The following PPP1R12B variants were observed in gnomAD, a reference collection of about 807,000 sequenced individuals.
PPP1R12B encodes the protein myosin phosphatase target subunit 2.
A neutral mutation model predicts 126.1 loss-of-function variants in PPP1R12B; 76 were observed. The ratio of observed to expected loss-of-function variants is 0.60; its 90% CI spans 0.50 to 0.73. The LOEUF is 0.73. Ranked by LOEUF, PPP1R12B falls within the 30% of genes least tolerant of loss-of-function variation. The probability of loss-of-function intolerance (pLI) is 0.00; values close to 1 mark genes in which losing one functional copy is unlikely to be tolerated. For synonymous variants in PPP1R12B, 356 were observed against 434.7 expected, an observed-to-expected ratio of 0.82 and a Z score of 2.25; for missense variants, 1,052 against 1,205.1, an observed-to-expected ratio of 0.87 and a Z score of 1.88.
At chr1:202,548,808 C>CTA (rs370219273) in intron 18 of PPP1R12B, among the ~76,000 whole-genome samples, 857 of 72,918 alleles carry the variant, frequency 0.012, 11 homozygotes, top group Non-Finnish European at 0.013. Context: ...CTCTCTCTCT[C>CTA]TATATATATA....
At chr1:202,350,966 T>C (rs747279203) in intron 1 of PPP1R12B, among the ~76,000 whole-genome samples, 3 of 151,332 alleles carry the variant, frequency 2.0e-5, no homozygotes, top group Non-Finnish European at 4.4e-5. Flanking sequence ...CAGCTATGGA[T>C]TTTTTTTTAA....
intron 1 of PPP1R12B, among the ~76,000 whole-genome samples, chr1:202,369,307 C>G (rs1370909154): frequency 6.6e-6 from 1 of 152,190 alleles, no homozygotes; most frequent in African/African-American, 2.4e-5. Flanking sequence ...TAAGTCCAAT[C>G]ATAGTTTTAG....
rs1393730431 is a variant in PPP1R12B, at chr1:202,508,616, A to G, written c.2490+11794A>G. Reference sequence around the variant, plus strand: ...AAAACATTGTATACTTTAAGATGGCATTTTAGGAGTTGGAGGACTTTCAAA... The same window carrying G: ...AAAACATTGTATACTTTAAGATGGCGTTTTAGGAGTTGGAGGACTTTCAAA... On this transcript the variant is annotated intron_variant, in intron 18 of 23. Transcript: ENST00000608999. The surrounding 1 kb of genome is among the most constrained non-coding windows in gnomAD (Gnocchi z 4.5). Among the ~76,000 whole-genome samples the G allele has an allele frequency of 5.3e-5, 8 of 152,230 alleles. No homozygotes were observed. Among genetic ancestry groups the G allele is most frequent in the African/African-American group, 1.9e-4 (8 of 41,460 alleles).
chr1:202,403,342 A>T (rs1322523507), intron 1 of PPP1R12B, among the ~76,000 whole-genome samples: 1 of 152,262 alleles, frequency 6.6e-6, no homozygotes, highest in Non-Finnish European at 1.5e-5. Flanking sequence ...TATGGGCCAA[A>T]CAGTATATTT....
intron 18 of PPP1R12B, among the ~76,000 whole-genome samples, chr1:202,533,197 C>G (rs1684151602): frequency 6.6e-6 from 1 of 152,108 alleles, no homozygotes; most frequent in Non-Finnish European, 1.5e-5. Context: ...TCCATGGGAG[C>G]AGAAAGATCC....
At chr1:202,452,611 G>A (rs1673145554) in intron 13 of PPP1R12B, among the ~76,000 whole-genome samples, 1 of 151,870 alleles carries the variant, frequency 6.6e-6, no homozygotes, top group Admixed American at 6.6e-5. Flanking sequence ...AGGGAGAAGG[G>A]GGTTTACTTT....
At chr1:202,381,438 A>ATGTG (rs1289224444) in intron 1 of PPP1R12B, among the ~76,000 whole-genome samples, 2 of 3,318 alleles carry the variant, frequency 6.0e-4, no homozygotes, top group Non-Finnish European at 8.7e-4. Flanking sequence ...GTGTGTGTGT[A>ATGTG]TCATCCCTCA....
chr1:202,513,178 T>C (rs1464183236), intron 18 of PPP1R12B, among the ~76,000 whole-genome samples: 1 of 152,212 alleles, frequency 6.6e-6, no homozygotes, highest in Non-Finnish European at 1.5e-5. Flanking sequence ...TTCACCATGT[T>C]GGCCAGGCTG....
intron 1 of PPP1R12B, among the ~76,000 whole-genome samples, chr1:202,397,891 C>A (rs551306760): frequency 6.6e-6 from 1 of 152,260 alleles, no homozygotes; most frequent in Non-Finnish European, 1.5e-5. Flanking sequence ...GGCAAGAATA[C>A]AGCATAGTCC....
chr1:202,531,118 C>A (rs1039686705), intron 18 of PPP1R12B, among the ~76,000 whole-genome samples: 5 of 152,126 alleles, frequency 3.3e-5, no homozygotes, highest in African/African-American at 9.7e-5. Context: ...ATGGAAAAAT[C>A]AGAAGAAGAA....
chr1:202,416,525 T>TAAAA (rs35476608), intron 1 of PPP1R12B, among the ~76,000 whole-genome samples: 117 of 111,600 alleles, frequency 1.0e-3, no homozygotes, highest in African/African-American at 3.9e-3. Context: ...AAACTCTGTC[T>TAAAA]AAAAAAAAAA....
At chr1:202,538,811 C>T (rs951468694) in intron 18 of PPP1R12B, among the ~76,000 whole-genome samples, 1 of 152,196 alleles carries the variant, frequency 6.6e-6, no homozygotes, top group Non-Finnish European at 1.5e-5. Flanking sequence ...TTTTTAATTT[C>T]GTTTTCCCTG....
intron 18 of PPP1R12B, among the ~76,000 whole-genome samples, chr1:202,544,397 GCCA>G (rs1685444178): frequency 1.3e-5 from 2 of 152,126 alleles, no homozygotes; most frequent in Admixed American, 6.5e-5. Context: ...AAAAGTAAGA[GCCA>G]GGTAATCTTT....
At position 202,434,661 on chromosome 1, in the gene PPP1R12B, A is replaced by G; in HGVS notation, c.1147A>G (p.Lys383Glu). The G allele has an allele frequency of 6.2e-7, 1 of 1,609,406 alleles. No individual in the cohort carries two copies. Among genetic ancestry groups the G allele is most frequent in the Non-Finnish European group, 8.5e-7 (1 of 1,178,924 alleles). Residue 383 changes from lysine to glutamate, a missense_variant, in exon 9 of 24, where the codon AAG (lysine) becomes GAG (glutamate). Transcript: ENST00000608999. ...ESETEKEADKKPEAFVNHSNS... is the reference protein window; with the variant it reads ...ESETEKEADKEPEAFVNHSNS... ...TCTCTTGTCTTAAATAACAGATAAAAAGCCAGAAGCCTTTGTCAATCATTC... is the reference window on the plus strand; with the variant it reads ...TCTCTTGTCTTAAATAACAGATAAAGAGCCAGAAGCCTTTGTCAATCATTC...
chr1:202,406,258 C>T (rs1006785570), intron 1 of PPP1R12B, among the ~76,000 whole-genome samples: 10 of 152,204 alleles, frequency 6.6e-5, no homozygotes, highest in African/African-American at 2.4e-4. Flanking sequence ...GTGATTAAGA[C>T]AGGTAGCCAA....
Position 202,495,346 on chromosome 1 carries a change from A to G in PPP1R12B, c.2199A>G (p.Pro733=), listed in dbSNP as rs1385033179. ...CPAQPDKPTT[P]ASPSTSRPSL... ...CTCAGCCAGACAAACCCACCACGCC[A>G]GCATCTCCTTCTACGTCAAGACCCT... The change falls in exon 16 of 24, where the codon CCA becomes CCG. Residue 733 remains proline, a synonymous_variant. Transcript: ENST00000608999. 1.2e-6 allele frequency: 2 copies of G among 1,600,288 alleles called. No homozygotes were observed. Among genetic ancestry groups the G allele is most frequent in the East Asian group, 4.5e-5 (2 of 44,868 alleles).
chr1:202,472,482 G>T (rs1676058828), intron 13 of PPP1R12B, among the ~76,000 whole-genome samples: 1 of 152,314 alleles, frequency 6.6e-6, no homozygotes, highest in Non-Finnish European at 1.5e-5. Flanking sequence ...CCTTGTTGGT[G>T]CTTGAATCTG....
intron 2 of PPP1R12B, among the ~76,000 whole-genome samples, chr1:202,418,733 A>G (rs1405313812): frequency 1.3e-5 from 2 of 151,990 alleles, no homozygotes; most frequent in Non-Finnish European, 2.9e-5. Flanking sequence ...ATTTTTCACT[A>G]TACATATCAT....
intron 13 of PPP1R12B, among the ~76,000 whole-genome samples, chr1:202,465,841 C>A (rs990408648): frequency 6.6e-6 from 1 of 152,154 alleles, no homozygotes; most frequent in Non-Finnish European, 1.5e-5. Flanking sequence ...ACAGTCCTTG[C>A]GCACTTGTGC....
Sources: gnomAD v4.1 joint callset for allele counts (sites outside exome capture counted in the v4.1 genomes callset) on GRCh38, gnomAD v4.1.1 for gene constraint, Gnocchi (gnomAD v3.1) non-coding constraint, MANE v1.5 for transcripts, NCBI Gene and HGNC (gene_info 2026-07-23, HGNC 2026-07-21) for gene names.